Variants in KALRN observed in about 807,000 individuals in gnomAD.
KALRN encodes the protein kalirin RhoGEF kinase.
In KALRN, 70 loss-of-function variants were observed where a neutral mutation model predicts 353.7. The observed-to-expected ratio is 0.20, with a 90% CI of 0.16 to 0.24. KALRN has a LOEUF of 0.24. Ranked by LOEUF, KALRN falls within the 10% of genes least tolerant of loss-of-function variation. The pLI is 1.00. For missense variants in KALRN, 2,791 were observed against 3,756.7 expected (o/e 0.74, Z 6.72); for synonymous variants, 1,391 against 1,434.8 (o/e 0.97, Z 0.69).
intron 37 of KALRN, among the ~76,000 whole-genome samples, chr3:124,642,816 T>TGTTGTTG (rs1559750191): frequency 1.9e-4 from 27 of 140,216 alleles, no homozygotes; most frequent in African/African-American, 3.3e-4. Context: ...GTTTTTTTTT[T>TGTTGTTG]TTTTTTTTTT....
chr3:124,434,270 GT>G, intron 16 of KALRN, 36 bp from the exon 17 acceptor site: 1 of 1,580,206 alleles, frequency 6.3e-7, no homozygotes, highest in Non-Finnish European at 8.7e-7. Context: ...CGCCTGGGTT[GT>G]TCCCACGGAC....
At chr3:124,495,634 A>G (rs1160182182) in intron 32 of KALRN, among the ~76,000 whole-genome samples, 2 of 145,604 alleles carry the variant, frequency 1.4e-5, no homozygotes, top group African/African-American at 5.0e-5. Flanking sequence ...GCTACTTGGG[A>G]GGCTGAGGCA....
chr3:124,594,790 G>C (rs1166730223), intron 34 of KALRN, among the ~76,000 whole-genome samples: 3 of 152,018 alleles, frequency 2.0e-5, no homozygotes, highest in Non-Finnish European at 4.4e-5. Context: ...TCCTCCCCAG[G>C]AGATCAGCAA....
At position 124,329,918 on chromosome 3, in the gene KALRN, G is replaced by A. The variant is rs1408634891; in HGVS notation, c.1342G>A (p.Glu448Lys). 13 of 1,613,736 alleles carry A rather than the reference G, an allele frequency of 8.1e-6. No individual in the cohort carries two copies. Among genetic ancestry groups the A allele is most frequent in the African/African-American group, 2.7e-5 (2 of 74,838 alleles). Reference sequence around the variant, plus strand: ...GTGCAGTGAAGGTGGTCTGCCATCCGAGATGCAAGACCTAGAGCTGGCAAT... The same window carrying A: ...GTGCAGTGAAGGTGGTCTGCCATCCAAGATGCAAGACCTAGAGCTGGCAAT... ...KMCSEGGLPS[E>K]MQDLELAIHH... Residue 448 changes from glutamate to lysine, a missense_variant, in exon 8 of 60, where the codon GAG becomes AAG. By Grantham distance (56) the Glu-to-Lys change is moderately conservative (BLOSUM62 1). Transcript: ENST00000682506.
chr3:124,266,338 G>A (rs1000347919), intron 4 of KALRN, among the ~76,000 whole-genome samples: 2 of 152,080 alleles, frequency 1.3e-5, no homozygotes, highest in Non-Finnish European at 2.9e-5. Flanking sequence ...TTTATTCTAC[G>A]TGACTGGATA....
At position 124,686,798 on chromosome 3, in the gene KALRN, A is replaced by ATTT. The variant is rs10599336; in HGVS notation, c.7378-6974_7378-6972dup. Among the ~76,000 whole-genome samples the ATTT allele has an allele frequency of 1.6e-3, 111 of 70,798 alleles. 1 individual carries two copies. The highest frequency in any genetic ancestry group is 4.1e-3 in the East Asian group (9 of 2,176). 46.4% of individuals were successfully genotyped at this position (70,798 alleles called of 152,430 possible). On this transcript the variant is annotated intron_variant, in intron 51 of 59. Coordinates refer to ENST00000682506, the MANE Select transcript of KALRN (RefSeq NM_001388419.1). ...CAGCATCTATGCAAACACTGGTGAGATTTTTTTTTTTTTTTTTTTTTTTTT... is the reference window on the plus strand; with the variant it reads ...CAGCATCTATGCAAACACTGGTGAGATTTTTTTTTTTTTTTTTTTTTTTTTTTT...
chr3:124,509,285 T>C (rs1329211129), intron 33 of KALRN, among the ~76,000 whole-genome samples: 2 of 152,206 alleles, frequency 1.3e-5, no homozygotes, highest in African/African-American at 4.8e-5. Context: ...CTCAGCTCAC[T>C]GCAACCTCCA....
chr3:124,508,400 G>A (rs919792001), intron 33 of KALRN, among the ~76,000 whole-genome samples: 4 of 152,064 alleles, frequency 2.6e-5, no homozygotes, highest in African/African-American at 9.7e-5. Flanking sequence ...TCTCAATGTG[G>A]CTGTTTTTAT....
At chr3:124,228,288 G>A (rs1389530630) in intron 2 of KALRN, among the ~76,000 whole-genome samples, 2 of 152,188 alleles carry the variant, frequency 1.3e-5, no homozygotes, top group African/African-American at 4.8e-5. Flanking sequence ...GACATTCCCT[G>A]AGCTTCCCAC....
intron 1 of KALRN, among the ~76,000 whole-genome samples, chr3:124,159,491 T>C (rs1327227037): frequency 6.6e-6 from 1 of 152,062 alleles, no homozygotes; most frequent in South Asian, 2.1e-4. Context: ...AGGCTGGTCT[T>C]GAACTCATGA....
chr3:124,626,526 A>G (rs1017051493), intron 34 of KALRN, among the ~76,000 whole-genome samples: 4 of 152,206 alleles, frequency 2.6e-5, no homozygotes, highest in African/African-American at 9.7e-5. Context: ...TAGAAAGCCA[A>G]CTGTACATAC....
At chr3:124,322,668 C>T (rs1406861401) in intron 6 of KALRN, among the ~76,000 whole-genome samples, 1 of 152,214 alleles carries the variant, frequency 6.6e-6, no homozygotes, top group African/African-American at 2.4e-5. Context: ...TGACCAAAGG[C>T]CATGAAAAGT....
chr3:124,520,140 G>A (rs2067042407), intron 33 of KALRN, among the ~76,000 whole-genome samples: 1 of 152,008 alleles, frequency 6.6e-6, no homozygotes, highest in African/African-American at 2.4e-5. Flanking sequence ...GGCAGAGGAG[G>A]GGGCAGGGCA....
At chr3:124,442,712 G>A (rs757178574) in intron 19 of KALRN, among the ~76,000 whole-genome samples, 3 of 152,156 alleles carry the variant, frequency 2.0e-5, no homozygotes, top group African/African-American at 7.2e-5. Flanking sequence ...CACCCAAACC[G>A]ACTGAGTCAG....
rs542384383 is a variant in KALRN, at chr3:124,360,269, C to G, written c.1770+13004C>G. Among the ~76,000 whole-genome samples the G allele has an allele frequency of 7.9e-5, 12 of 152,276 alleles. No homozygotes were observed. The East Asian group carries it at 2.3e-3, about 29-fold the overall frequency. On this transcript the variant is annotated intron_variant, in intron 10 of 59. Transcript: ENST00000682506. ...AAATTGTGGTTATGGAAACTGAGTA[C>G]CAGGGGAAGGCTGGGTTGGCTGCCG...
chr3:124,255,724 A>G (rs1196412478), intron 3 of KALRN, among the ~76,000 whole-genome samples: 1 of 152,134 alleles, frequency 6.6e-6, no homozygotes, highest in Non-Finnish European at 1.5e-5. Context: ...CCCTTATCCC[A>G]GTGCAGATGG....
intron 10 of KALRN, among the ~76,000 whole-genome samples, chr3:124,383,039 T>C (rs1466785574): frequency 1.3e-5 from 2 of 152,354 alleles, no homozygotes; most frequent in South Asian, 4.1e-4. Flanking sequence ...ATTTTTCCTC[T>C]TTTTCAACCC....
At chr3:124,599,780 A>G (rs1392553554) in intron 34 of KALRN, among the ~76,000 whole-genome samples, 1 of 152,190 alleles carries the variant, frequency 6.6e-6, no homozygotes, top group Non-Finnish European at 1.5e-5. Context: ...GGTTTTTTCC[A>G]GCCTTTCTAA....
At chr3:124,349,390 A>G (rs569497305) in intron 10 of KALRN, among the ~76,000 whole-genome samples, 2 of 152,346 alleles carry the variant, frequency 1.3e-5, no homozygotes, top group East Asian at 1.9e-4. Context: ...TATGTGGCCC[A>G]TGATGGCTTT....
Sources: allele counts gnomAD v4.1 joint callset (sites outside exome capture counted in the v4.1 genomes callset), GRCh38; gene constraint gnomAD v4.1.1; transcripts MANE v1.5; gene names NCBI Gene and HGNC (gene_info 2026-07-23, HGNC 2026-07-21).